Variants in TDRD7 observed in about 807,000 individuals in gnomAD.
TDRD7 encodes the protein tudor domain-containing protein 7.
Under a neutral mutation model 109.8 loss-of-function variants are expected in TDRD7, and 47 were observed. The observed-to-expected ratio is 0.43, with a 90% CI of 0.34 to 0.55. The LOEUF is 0.55. Among genes scored for constraint, TDRD7 ranks in the 20% least tolerant of loss-of-function variants. TDRD7 has a pLI of 0.03. For synonymous variants in TDRD7, 424 were observed against 457.3 expected (o/e 0.93, Z 0.93); for missense variants, 1,164 against 1,319.2 (o/e 0.88, Z 1.82).
At chr9:97,450,656 A>G (rs1054551228) in intron 6 of TDRD7, among the ~76,000 whole-genome samples, 2 of 152,188 alleles carry the variant, frequency 1.3e-5, no homozygotes, top group African/African-American at 4.8e-5. Flanking sequence ...ATCTTTAGCA[A>G]GGTTCTTGTG....
At chr9:97,493,363 G>A (rs561600842) in intron 16 of TDRD7, among the ~76,000 whole-genome samples, 2 of 152,210 alleles carry the variant, frequency 1.3e-5, no homozygotes, top group South Asian at 2.1e-4. Flanking sequence ...CGCAAGTTCC[G>A]TGATGCCCCC....
At position 97,472,378 on chromosome 9, in the gene TDRD7, T is replaced by G; in HGVS notation, c.1827T>G (p.Leu609=). The change falls in exon 10 of 17, where the codon CTT becomes CTG. Residue 609 remains leucine, a synonymous_variant. Coordinates refer to ENST00000355295, the MANE Select transcript of TDRD7 (RefSeq NM_014290.3). ...TCGKIFAVEI[L]DKADIPLVVL... ...GAAAGATCTTTGCAGTGGAAATACT[T>G]GACAAAGCTGACATTCCACTTGTTG... The G allele has an allele frequency of 6.2e-7, 1 of 1,613,940 alleles. No individual in the cohort carries two copies. The highest frequency in any genetic ancestry group is 8.5e-7 in the Non-Finnish European group (1 of 1,179,890).
chr9:97,483,463 A>G, intron 15 of TDRD7, 112 bp downstream of exon 15: 5 of 1,280,980 alleles, frequency 3.9e-6, no homozygotes, highest in Non-Finnish European at 4.3e-6. Context: ...GGAATTTTGA[A>G]TGTGAAACAA....
At chr9:97,476,183 G>A (rs1230354802) in intron 12 of TDRD7, among the ~76,000 whole-genome samples, 2 of 152,120 alleles carry the variant, frequency 1.3e-5, no homozygotes, top group Non-Finnish European at 2.9e-5. Context: ...TTTAAGAACT[G>A]TGGCTTCATG....
At chr9:97,425,572 C>T (rs1477140619) in intron 1 of TDRD7, among the ~76,000 whole-genome samples, 2 of 152,092 alleles carry the variant, frequency 1.3e-5, no homozygotes, top group East Asian at 1.9e-4. Flanking sequence ...CGACACATTT[C>T]TCAGAATGTA....
chr9:97,448,656 C>T (rs574827700), intron 6 of TDRD7, among the ~76,000 whole-genome samples: 2 of 152,284 alleles, frequency 1.3e-5, no homozygotes, highest in South Asian at 4.1e-4. Flanking sequence ...GTTTTGAGCT[C>T]ATAACCATTA....
chr9:97,476,995 G>A (rs1587889763), intron 12 of TDRD7, among the ~76,000 whole-genome samples: 1 of 152,128 alleles, frequency 6.6e-6, no homozygotes, highest in Non-Finnish European at 1.5e-5. Flanking sequence ...TGACCAAGGG[G>A]TATGTGCCTA....
intron 6 of TDRD7, among the ~76,000 whole-genome samples, chr9:97,443,806 T>A (rs1828353491): frequency 6.6e-6 from 1 of 152,224 alleles, no homozygotes; most frequent in Admixed American, 6.5e-5. Flanking sequence ...TCTGTAAAAC[T>A]TAGAGCATTT....
At chr9:97,463,244 C>CAA (rs113565279) in intron 7 of TDRD7, among the ~76,000 whole-genome samples, 148 of 148,958 alleles carry the variant, frequency 9.9e-4, no homozygotes, top group African/African-American at 3.5e-3. Context: ...AACCCTGTCT[C>CAA]AAAAAAAAAA....
intron 13 of TDRD7, 137 bp from the exon 14 acceptor site, chr9:97,480,691 G>A: frequency 1.3e-6 from 1 of 744,934 alleles, no homozygotes; most frequent in South Asian, 1.4e-5. Flanking sequence ...ACCAGGAACT[G>A]TGATTGTCGT....
chr9:97,413,689 C>T (rs1044172951), intron 1 of TDRD7, among the ~76,000 whole-genome samples: 1 of 152,222 alleles, frequency 6.6e-6, no homozygotes, highest in Non-Finnish European at 1.5e-5. Flanking sequence ...CCCCTGGGGC[C>T]AGCTGGATTA....
intron 15 of TDRD7, 80 bp from the exon 16 acceptor site, chr9:97,487,092 A>G (rs921702365): frequency 6.9e-7 from 1 of 1,446,820 alleles, no homozygotes; most frequent in African/African-American, 1.4e-5. Context: ...TTTTCTTTTT[A>G]TCATAAAATA....
intron 1 of TDRD7, among the ~76,000 whole-genome samples, chr9:97,423,668 C>T (rs1587858199): frequency 6.6e-6 from 1 of 151,956 alleles, no homozygotes; most frequent in African/African-American, 2.4e-5. Flanking sequence ...ATAAATTTTC[C>T]TCTAATACTT....
At position 97,480,879 on chromosome 9, in the gene TDRD7, C is replaced by T; in HGVS notation, c.2353C>T (p.Pro785Ser). 3 of 1,614,118 alleles carry T rather than the reference C, an allele frequency of 1.9e-6. No individual in the cohort carries two copies. The highest frequency in any genetic ancestry group is 1.7e-6 in the Non-Finnish European group (2 of 1,179,992). Reference sequence around the variant, plus strand: ...TCCACAATCTATTGGCATGTGGACACCAGATGCAGTGCTGTGGTTAAGAGA... The same window carrying T: ...TCCACAATCTATTGGCATGTGGACATCAGATGCAGTGCTGTGGTTAAGAGA... ...DLPQSIGMWT[P>S]DAVLWLRDSV... The change falls in exon 14 of 17, where the codon CCA (proline) becomes TCA (serine). Residue 785 changes from proline (P) to serine (S), a missense_variant. By Grantham distance (74) the Pro-to-Ser change is moderately conservative. Coordinates refer to ENST00000355295, the MANE Select transcript of TDRD7 (RefSeq NM_014290.3).
chr9:97,435,467 TAAAAAA>T (rs11314747), intron 4 of TDRD7, among the ~76,000 whole-genome samples: 4 of 131,128 alleles, frequency 3.1e-5, no homozygotes, highest in Admixed American at 3.0e-4. Flanking sequence ...TCATCTCTAC[TAAAAAA>T]AAAAAAAAAA....
At position 97,484,503 on chromosome 9, in the gene TDRD7, C is replaced by T. The variant is rs558741350; in HGVS notation, c.2915+1152C>T. On this transcript the variant is annotated intron_variant, in intron 15 of 16. Transcript: ENST00000355295. ...ACACACACACACACACCCCAAAACTCAGTTTAAAAGGTCAAACTGCTTATT... is the reference window on the plus strand; with the variant it reads ...ACACACACACACACACCCCAAAACTTAGTTTAAAAGGTCAAACTGCTTATT... Among the ~76,000 whole-genome samples the T allele has an allele frequency of 2.2e-4, 33 of 152,002 alleles. No homozygotes were observed. In the East Asian group the frequency reaches 6.2e-3, roughly 28 times the overall value.
At chr9:97,493,751 G>A (rs1342424592) in intron 16 of TDRD7, among the ~76,000 whole-genome samples, 1 of 152,130 alleles carries the variant, frequency 6.6e-6, no homozygotes, top group Non-Finnish European at 1.5e-5. Context: ...CCATTTCAGA[G>A]GCCTACCCTC....
At position 97,428,519 on chromosome 9, in the gene TDRD7, T is replaced by C. The variant is rs749676206; in HGVS notation, c.54T>C (p.His18=). ...SKMLRAVLQS[H]KNGVALPRLQ... ...TGCTACGAGCTGTTCTGCAGTCTCA[T>C]AAGAATGGAGTAGCATTACCCCGGC... Residue 18 remains histidine, a synonymous_variant, in exon 2 of 17, where the codon CAT becomes CAC. Transcript: ENST00000355295. 1.4e-5 allele frequency: 23 copies of C among 1,614,046 alleles called. No individual in the cohort carries two copies. In the South Asian group the frequency reaches 2.1e-4, roughly 15 times the overall value.
chr9:97,479,043 C>G (rs190375154), intron 13 of TDRD7, among the ~76,000 whole-genome samples: 2 of 152,118 alleles, frequency 1.3e-5, no homozygotes, highest in Admixed American at 6.6e-5. Flanking sequence ...CATGAATGTT[C>G]AGATGATAAG....
Sources: allele counts gnomAD v4.1 joint callset (sites outside exome capture counted in the v4.1 genomes callset), GRCh38; gene constraint gnomAD v4.1.1; transcripts MANE v1.5; gene names NCBI Gene and HGNC (gene_info 2026-07-23, HGNC 2026-07-21).